The following MYT1L variants were observed in gnomAD, a reference collection of about 807,000 sequenced individuals.
MYT1L encodes myelin transcription factor 1 like.
A neutral mutation model predicts 126.7 loss-of-function variants in MYT1L; 12 were observed. The ratio of observed to expected loss-of-function variants is 0.09; its 90% confidence interval spans 0.06 to 0.15. The LOEUF is 0.15. MYT1L is among the 10% of genes least tolerant of loss of function. MYT1L has a pLI of 1.00. For missense variants in MYT1L, 979 were observed against 1,585.2 expected (o/e 0.62, Z 6.49); for synonymous variants, 541 against 604.2 (o/e 0.90, Z 1.53).
In MYT1L at chr2:2,141,502, G is replaced by C. The variant is rs115424951; in HGVS notation, c.-304+31370C>G. 4.9e-3 allele frequency among the ~76,000 whole-genome samples: 739 copies of C among 152,252 alleles called. 6 individuals carry two copies. Among genetic ancestry groups the C allele is most frequent in the African/African-American group, 0.017 (715 of 41,544 alleles). ...TAATGAATTTCAGTTTCAGAAGTCA[G>C]ATTTCTGGGCCTGAGTTCTGCTCGA... is the stretch of plus-strand genomic sequence containing the variant. On this transcript the variant is annotated intron_variant, in intron 3 of 24. Transcript: ENST00000647738.
intron 1 of MYT1L, among the ~76,000 whole-genome samples, chr2:2,294,987 A>G (rs542931576): frequency 6.6e-6 from 1 of 152,248 alleles, no homozygotes; most frequent in East Asian, 1.9e-4. Flanking sequence ...CTCCCCTTCA[A>G]TCTAGGTATT....
At chr2:1,796,625 C>T (rs1363181821) in intron 23 of MYT1L, among the ~76,000 whole-genome samples, 1 of 152,138 alleles carries the variant, frequency 6.6e-6, no homozygotes, top group African/African-American at 2.4e-5. Flanking sequence ...ACTCAAATAC[C>T]CCCATCCCCA....
At chr2:1,891,625 C>T (rs1257730590) in intron 15 of MYT1L, among the ~76,000 whole-genome samples, 1 of 152,180 alleles carries the variant, frequency 6.6e-6, no homozygotes, top group Non-Finnish European at 1.5e-5. Context: ...AGGCAGATCC[C>T]TGCATTTCAC....
chr2:1,984,319 C>T (rs1558628399), intron 5 of MYT1L, among the ~76,000 whole-genome samples: 1 of 151,996 alleles, frequency 6.6e-6, no homozygotes, highest in African/African-American at 2.4e-5. Context: ...AACTCCACTT[C>T]CAGAGTGGCT....
chr2:2,097,979 G>T (rs58118040), intron 3 of MYT1L, among the ~76,000 whole-genome samples: 1 of 152,058 alleles, frequency 6.6e-6, no homozygotes, highest in Admixed American at 6.6e-5. Flanking sequence ...GCACCTCCCC[G>T]CTTGCCCTCT....
intron 4 of MYT1L, among the ~76,000 whole-genome samples, chr2:2,030,813 G>A (rs1483325992): frequency 6.6e-6 from 1 of 152,178 alleles, no homozygotes; most frequent in African/African-American, 2.4e-5. Context: ...TTTTAGTTGT[G>A]CAGCCAGTGG....
At position 2,004,617 on chromosome 2, in the gene MYT1L, T is replaced by A. The variant is rs1488348207; in HGVS notation, c.-157-7270A>T. ...TGCGTTCTTTCCTGCAGGCATTCTT[T>A]CCTGTGTGCCTTCTTTCCTGCAGGC... On this transcript the variant is annotated intron_variant, in intron 4 of 24. Transcript: ENST00000647738. Among the ~76,000 whole-genome samples the A allele has an allele frequency of 2.0e-5, 3 of 150,382 alleles. No homozygotes were observed. The South Asian group carries it at 6.4e-4, about 32-fold the overall frequency.
intron 2 of MYT1L, among the ~76,000 whole-genome samples, chr2:2,278,426 A>T (rs1261883362): frequency 1.3e-5 from 2 of 152,188 alleles, no homozygotes; most frequent in Admixed American, 6.5e-5. Context: ...AAGTATGGAG[A>T]ATTATAAAGA....
intron 9 of MYT1L, among the ~76,000 whole-genome samples, chr2:1,934,769 C>CACACACACACAG (rs1491367887): frequency 1.4e-5 from 2 of 147,364 alleles, no homozygotes; most frequent in African/African-American, 5.0e-5. Context: ...CACACACACA[C>CACACACACACAG]AGGCACAGGT....
intron 18 of MYT1L, among the ~76,000 whole-genome samples, chr2:1,882,165 A>G (rs1350658934): frequency 6.6e-6 from 1 of 152,128 alleles, no homozygotes; most frequent in Non-Finnish European, 1.5e-5. Context: ...GTATTTCAGC[A>G]CAAGCGGGTA....
chr2:2,268,454 T>C (rs2149327361), intron 2 of MYT1L, among the ~76,000 whole-genome samples: 1 of 152,276 alleles, frequency 6.6e-6, no homozygotes, highest in African/African-American at 2.4e-5. Context: ...TTTTTCCACA[T>C]TTAGACCACA....
intron 11 of MYT1L, among the ~76,000 whole-genome samples, chr2:1,914,676 A>G (rs1476901263): frequency 6.6e-6 from 1 of 152,166 alleles, no homozygotes; most frequent in African/African-American, 2.4e-5. Context: ...AGCTTTCTGT[A>G]CAGATTATCG....
chr2:2,122,898 GAGT>G (rs1199262899), intron 3 of MYT1L, among the ~76,000 whole-genome samples: 1 of 146,984 alleles, frequency 6.8e-6, no homozygotes, highest in Non-Finnish European at 1.5e-5. Context: ...AGAGACCAAT[GAGT>G]AGAAGACAGA....
chr2:2,300,053 G>A (rs1009512938), intron 1 of MYT1L, among the ~76,000 whole-genome samples: 3 of 152,310 alleles, frequency 2.0e-5, no homozygotes, highest in Admixed American at 1.3e-4. Flanking sequence ...GAGCAGTAAG[G>A]CTTTATATCA....
intron 3 of MYT1L, among the ~76,000 whole-genome samples, chr2:2,075,541 T>C (rs953297523): frequency 2.0e-5 from 3 of 152,206 alleles, no homozygotes; most frequent in African/African-American, 7.2e-5. Flanking sequence ...ATTTGACAGA[T>C]ATGTAAGGCC....
intron 9 of MYT1L, among the ~76,000 whole-genome samples, chr2:1,927,428 A>G (rs943713365): frequency 1.3e-5 from 2 of 152,236 alleles, no homozygotes; most frequent in African/African-American, 2.4e-5. Flanking sequence ...TTCTTAAACA[A>G]AAGAAACGTG....
chr2:2,301,039 C>T (rs994325057), intron 1 of MYT1L, among the ~76,000 whole-genome samples: 1 of 152,120 alleles, frequency 6.6e-6, no homozygotes, highest in African/African-American at 2.4e-5. Flanking sequence ...AGCGAGTGTT[C>T]TGTAAACCCA....
chr2:2,049,945 A>G (rs2150074446), intron 4 of MYT1L, among the ~76,000 whole-genome samples: 1 of 150,820 alleles, frequency 6.6e-6, no homozygotes, highest in East Asian at 1.9e-4. Context: ...AAACTTATAT[A>G]CGTGTGTGTG....
At chr2:2,032,870 C>T (rs1225501365) in intron 4 of MYT1L, among the ~76,000 whole-genome samples, 1 of 147,346 alleles carries the variant, frequency 6.8e-6, no homozygotes, top group Non-Finnish European at 1.5e-5. Context: ...ATACAACCCT[C>T]GCCCATGTCT....
Sources: gnomAD v4.1 joint callset for allele counts (sites outside exome capture counted in the v4.1 genomes callset) on GRCh38, gnomAD v4.1.1 for gene constraint, MANE v1.5 for transcripts, NCBI Gene and HGNC (gene_info 2026-07-23, HGNC 2026-07-21) for gene names.